The following CAGE1 variants were observed in gnomAD, a reference collection of about 807,000 sequenced individuals.
CAGE1 encodes cancer antigen 1, also known as cancer-associated gene 1 protein.
In CAGE1, 66 loss-of-function variants were observed where a neutral mutation model predicts 94.9. That is an observed-to-expected ratio of 0.70 (90% confidence interval 0.57 to 0.85). The LOEUF (loss-of-function observed/expected upper bound fraction) is 0.85, where lower values mean the gene tolerates loss of function less well. Ranked by LOEUF, CAGE1 falls within the 40% of genes least tolerant of loss-of-function variation. The pLI is 0.00. For synonymous variants in CAGE1, 319 were observed against 321.0 expected (o/e 0.99, Z 0.07); for missense variants, 865 against 950.4 (o/e 0.91, Z 1.18).
At chr6:7,352,314 AAC>A (rs1554137881) in intron 11 of CAGE1, among the ~76,000 whole-genome samples, 36 of 131,472 alleles carry the variant, frequency 2.7e-4, no homozygotes, top group African/African-American at 1.0e-3. Flanking sequence ...AACAAAAAAA[AAC>A]AAAAAAAAAA....
intron 11 of CAGE1, among the ~76,000 whole-genome samples, chr6:7,352,089 A>G (rs139929798): frequency 1.6e-4 from 24 of 152,266 alleles, no homozygotes; most frequent in Admixed American, 9.8e-4. Flanking sequence ...GAGGAAGTCA[A>G]ACTGTCACTG....
At chr6:7,341,362 C>A in intron 11 of CAGE1, 1 of 753,682 alleles carries the variant, frequency 1.3e-6, no homozygotes, top group South Asian at 1.4e-5. Context: ...CTGTTGTGAT[C>A]AGGCAGACTT....
In CAGE1 at chr6:7,327,213, C is replaced by T. The variant is rs533194591; in HGVS notation, c.2479-314G>A. On this transcript the variant is annotated intron_variant, in intron 13 of 13. Coordinates refer to ENST00000502583, the MANE Select transcript of CAGE1 (RefSeq NM_001170692.2). Reference sequence around the variant, plus strand: ...GATTATAGACACTCAACACCATGCCCGGCTATTTTTTGTATTTTCAGTAGA... The same window carrying T: ...GATTATAGACACTCAACACCATGCCTGGCTATTTTTTGTATTTTCAGTAGA... Among the ~76,000 whole-genome samples the T allele has an allele frequency of 9.2e-5, 14 of 152,196 alleles. No individual in the cohort carries two copies. In the East Asian group the frequency reaches 1.5e-3, roughly 17 times the overall value.
At chr6:7,351,265 T>C (rs1759756013) in intron 11 of CAGE1, among the ~76,000 whole-genome samples, 1 of 152,026 alleles carries the variant, frequency 6.6e-6, no homozygotes, top group Non-Finnish European at 1.5e-5. Context: ...TTAGATACCC[T>C]GAACAGACCA....
intron 12 of CAGE1, among the ~76,000 whole-genome samples, chr6:7,333,634 CTAACTATCTATATA>C (rs1477292019): frequency 0.061 from 2,390 of 39,458 alleles, 28 homozygotes; most frequent in African/African-American, 0.071. Flanking sequence ...AACTATCTAT[CTAACTATCTATATA>C]TATATATATA....
chr6:7,344,652 A>C (rs183095666), intron 11 of CAGE1, among the ~76,000 whole-genome samples: 13 of 152,302 alleles, frequency 8.5e-5, no homozygotes, highest in Admixed American at 1.3e-4. Context: ...CCGGTGCCGG[A>C]TCCACTGGGT....
intron 11 of CAGE1, among the ~76,000 whole-genome samples, chr6:7,353,277 CAT>C (rs1759846334): frequency 6.6e-6 from 1 of 152,140 alleles, no homozygotes; most frequent in South Asian, 2.1e-4. Flanking sequence ...GGCCAACAAA[CAT>C]ATGACAAAAT....
intron 12 of CAGE1, among the ~76,000 whole-genome samples, chr6:7,333,732 G>A (rs1016473895): frequency 5.4e-5 from 8 of 147,462 alleles, no homozygotes; most frequent in African/African-American, 1.5e-4. Flanking sequence ...GCAGTGGCAC[G>A]ATCTCGGCTC....
In CAGE1 at chr6:7,328,936, T is replaced by TA. The variant is rs1561844012; in HGVS notation, c.2478+912_2478+913insT. Among the ~76,000 whole-genome samples, 34 of 104,458 alleles carry TA rather than the reference T, an allele frequency of 3.3e-4. 1 individual carries two copies. Among genetic ancestry groups the TA allele is most frequent in the South Asian group, 1.1e-3 (4 of 3,616 alleles). The allele number at this position is 104,458 out of a possible 152,430, so 68.5% of individuals were successfully genotyped here. On this transcript the variant is annotated intron_variant, in intron 13 of 13. Coordinates refer to ENST00000502583, the MANE Select transcript of CAGE1 (RefSeq NM_001170692.2). ...TGTGTGTGTATATATATATATATATTTTTTTTTTTTTTTGAGATAGAGTCT... is the reference window on the plus strand; with the variant it reads ...TGTGTGTGTATATATATATATATATTATTTTTTTTTTTTTGAGATAGAGTCT...
intron 11 of CAGE1, chr6:7,342,109 T>C: frequency 2.1e-6 from 2 of 970,384 alleles, no homozygotes; most frequent in South Asian, 2.6e-5. Context: ...GTTGGATAGG[T>C]CACGGCTGAT....
chr6:7,345,013 T>A (rs1204766442), intron 11 of CAGE1, among the ~76,000 whole-genome samples: 1 of 152,154 alleles, frequency 6.6e-6, no homozygotes, highest in African/African-American at 2.4e-5. Flanking sequence ...TGGGGCCAGA[T>A]AAGAGAATAA....
intron 11 of CAGE1, among the ~76,000 whole-genome samples, chr6:7,345,502 C>G (rs183340211): frequency 6.6e-6 from 1 of 152,304 alleles, no homozygotes; most frequent in East Asian, 1.9e-4. Flanking sequence ...CATTATATTT[C>G]AGCAAGATCA....
intron 6 of CAGE1, among the ~76,000 whole-genome samples, 178 bp downstream of exon 6, chr6:7,369,741 A>T (rs1224818653): frequency 6.6e-6 from 1 of 152,352 alleles, no homozygotes; most frequent in East Asian, 1.9e-4. Context: ...AAGAAAGATA[A>T]GCAGAAAGAA....
chr6:7,333,797 A>T (rs1758856277), intron 12 of CAGE1, among the ~76,000 whole-genome samples: 1 of 147,840 alleles, frequency 6.8e-6, no homozygotes, highest in Non-Finnish European at 1.5e-5. Flanking sequence ...GCCCCCCAGT[A>T]GCTGGGATTA....
intron 11 of CAGE1, among the ~76,000 whole-genome samples, chr6:7,349,520 C>A (rs187101886): frequency 1.5e-4 from 23 of 152,046 alleles, no homozygotes; most frequent in Middle Eastern, 3.4e-3. Context: ...CAAAAAAAAA[C>A]CAAGGTACAC....
At chr6:7,386,872 C>T (rs1201608589) in intron 2 of CAGE1, 107 bp downstream of exon 2, 6 of 791,418 alleles carry the variant, frequency 7.6e-6, no homozygotes, top group South Asian at 3.6e-5. Flanking sequence ...ATGTGTCCAC[C>T]GAATATTGTT....
rs529487503 is a variant in CAGE1, at chr6:7,362,268, T to G, written c.2193+3200A>C. ...ATTTTAACTACTCCATAATACTGGT[T>G]AGAGATATCTTATTTGTATTAAAAG... On this transcript the variant is annotated intron_variant, in intron 9 of 13. Transcript: ENST00000502583. This position sits in a 1 kb window ranked among gnomAD's most constrained non-coding sequence, Gnocchi z 4.1. 1.4e-4 allele frequency among the ~76,000 whole-genome samples: 21 copies of G among 152,348 alleles called. No individual in the cohort carries two copies. Among genetic ancestry groups the G allele is most frequent in the African/African-American group, 5.0e-4 (21 of 41,590 alleles).
At chr6:7,372,226 C>CT (rs1464009593) in intron 5 of CAGE1, among the ~76,000 whole-genome samples, 38 of 152,138 alleles carry the variant, frequency 2.5e-4, no homozygotes, top group African/African-American at 8.4e-4. Context: ...AATTCCAGCA[C>CT]TTTGGGAGGC....
chr6:7,340,092 A>G (rs1454438755), intron 11 of CAGE1, among the ~76,000 whole-genome samples: 2 of 151,982 alleles, frequency 1.3e-5, no homozygotes, highest in Admixed American at 1.3e-4. Context: ...TTATTTTTTG[A>G]TTTTTTGATT....
Sources: gnomAD v4.1 joint callset for allele counts (sites outside exome capture counted in the v4.1 genomes callset) on GRCh38, gnomAD v4.1.1 for gene constraint, Gnocchi (gnomAD v3.1) non-coding constraint, MANE v1.5 for transcripts, NCBI Gene and HGNC (gene_info 2026-07-23, HGNC 2026-07-21) for gene names.